DIP2B: variants seen among roughly 807,000 people sequenced by gnomAD.
The protein encoded by DIP2B is disco-interacting protein 2 homolog B.
In DIP2B, 76 loss-of-function variants were observed where a neutral mutation model predicts 198.0. The observed-to-expected ratio is 0.38, with a 90% CI of 0.32 to 0.46. The LOEUF is 0.46. Among genes scored for constraint, DIP2B ranks in the 20% least tolerant of loss-of-function variants. The probability of loss-of-function intolerance (pLI) is 0.99; values close to 1 mark genes in which losing one functional copy is unlikely to be tolerated. For missense variants in DIP2B, 1,559 were observed against 1,978.4 expected (o/e 0.79, Z 4.02); for synonymous variants, 701 against 739.1 (o/e 0.95, Z 0.84).
At chr12:50,568,965 G>A (rs751371524) in intron 1 of DIP2B, among the ~76,000 whole-genome samples, 4 of 150,230 alleles carry the variant, frequency 2.7e-5, no homozygotes, top group East Asian at 1.9e-4. Context: ...TTTTTTGTCC[G>A]TAAGAATTCT....
intron 1 of DIP2B, among the ~76,000 whole-genome samples, chr12:50,536,306 T>TACATACGC (rs1363502193): frequency 1.3e-5 from 2 of 151,420 alleles, no homozygotes; most frequent in Non-Finnish European, 3.0e-5. Flanking sequence ...CATACATACA[T>TACATACGC]ACGCCAGGCT....
At chr12:50,549,568 G>A (rs554068430) in intron 1 of DIP2B, among the ~76,000 whole-genome samples, 48 of 150,784 alleles carry the variant, frequency 3.2e-4, no homozygotes, top group Non-Finnish European at 6.2e-4. Flanking sequence ...GTGTGGTGGC[G>A]TGTGCCTATA....
chr12:50,614,872 G>A (rs1442365433), intron 1 of DIP2B, among the ~76,000 whole-genome samples: 2 of 152,164 alleles, frequency 1.3e-5, no homozygotes, highest in African/African-American at 4.8e-5. Flanking sequence ...CCTTACTTGT[G>A]TTTTTCCCTG....
chr12:50,708,370 C>G, intron 21 of DIP2B, 78 bp from the exon 22 acceptor site: 1 of 1,339,426 alleles, frequency 7.5e-7, no homozygotes, highest in Non-Finnish European at 1.0e-6. Flanking sequence ...GTTGTCTCCT[C>G]TCTGTAATTC....
intron 1 of DIP2B, among the ~76,000 whole-genome samples, chr12:50,554,262 C>A (rs1032261908): frequency 2.6e-5 from 4 of 152,158 alleles, no homozygotes; most frequent in African/African-American, 9.7e-5. Flanking sequence ...TGCTTCCATA[C>A]CACTTTTCCC....
Position 50,648,704 on chromosome 12 carries a change from C to G in DIP2B, c.301+7852C>G, listed in dbSNP as rs976333310. 2.2e-4 allele frequency among the ~76,000 whole-genome samples: 18 copies of G among 82,034 alleles called. 1 individual carries two copies. Among genetic ancestry groups the G allele is most frequent in the African/African-American group, 3.2e-4 (9 of 27,892 alleles). The allele number at this position is 82,034 out of a possible 152,430, so 53.8% of individuals were successfully genotyped here. On this transcript the variant is annotated intron_variant, in intron 3 of 37. Transcript: ENST00000301180. ...TTTGAGTTGGGTTGTTCTTCCCCCCCCCCTCCTTACTTGCAAGGGCTTTTT... is the reference window on the plus strand; with the variant it reads ...TTTGAGTTGGGTTGTTCTTCCCCCCGCCCTCCTTACTTGCAAGGGCTTTTT...
intron 1 of DIP2B, among the ~76,000 whole-genome samples, chr12:50,568,269 A>G (rs374754362): frequency 6.6e-6 from 1 of 152,088 alleles, no homozygotes; most frequent in South Asian, 2.1e-4. Flanking sequence ...CATGTTTGTT[A>G]TTATGTAGAA....
intron 4 of DIP2B, among the ~76,000 whole-genome samples, 168 bp from the exon 5 acceptor site, chr12:50,671,018 G>A (rs1468846398): frequency 1.3e-5 from 2 of 152,170 alleles, no homozygotes; most frequent in Non-Finnish European, 2.9e-5. Context: ...GTAGGCTTTG[G>A]TCCATAGACT....
At chr12:50,738,537 G>A (rs1257309435) in intron 35 of DIP2B, among the ~76,000 whole-genome samples, 1 of 152,092 alleles carries the variant, frequency 6.6e-6, no homozygotes, top group Non-Finnish European at 1.5e-5. Flanking sequence ...AGGCTGGAAT[G>A]CAGTGGTGCC....
intron 3 of DIP2B, among the ~76,000 whole-genome samples, chr12:50,643,163 A>G (rs2139489837): frequency 6.6e-6 from 1 of 152,294 alleles, no homozygotes; most frequent in Admixed American, 6.5e-5. Flanking sequence ...CAAGCCAATC[A>G]AATGTAAAAA....
In DIP2B at chr12:50,746,471, G is replaced by A. The variant is rs1025649168; in HGVS notation, c.*1632G>A. The A allele has an allele frequency of 3.3e-5, 5 of 152,058 alleles. No individual in the cohort carries two copies. Among genetic ancestry groups the A allele is most frequent in the African/African-American group, 4.8e-5 (2 of 41,390 alleles). The allele number at this position is 152,058 out of a possible 1,614,324, so 9.4% of individuals were successfully genotyped here. On this transcript the variant is annotated 3_prime_UTR_variant, in exon 38 of 38. Transcript: ENST00000301180. ...ATAATGCAAAGACCAGCTCCTTTGC[G>A]GTGGCAGTGCTCTAGGGCTGCCATT...
intron 7 of DIP2B, among the ~76,000 whole-genome samples, chr12:50,677,211 T>G (rs1255237793): frequency 1.3e-5 from 2 of 152,184 alleles, no homozygotes; most frequent in East Asian, 3.8e-4. Context: ...GCCCCACTTC[T>G]CACGCACTGC....
chr12:50,697,881 T>A (rs897436958), intron 17 of DIP2B, among the ~76,000 whole-genome samples: 10 of 152,044 alleles, frequency 6.6e-5, no homozygotes, highest in Admixed American at 1.3e-4. Flanking sequence ...CTGGTTTATG[T>A]GTTTACTACA....
intron 1 of DIP2B, among the ~76,000 whole-genome samples, chr12:50,587,307 T>G (rs1426233356): frequency 6.6e-6 from 1 of 152,218 alleles, no homozygotes; most frequent in Non-Finnish European, 1.5e-5. Context: ...GTGGCTAGTC[T>G]GTTACTGACT....
At chr12:50,686,732 C>T in intron 12 of DIP2B, 50 bp downstream of exon 12, 2 of 1,531,808 alleles carry the variant, frequency 1.3e-6, no homozygotes, top group Non-Finnish European at 1.8e-6. Context: ...TTGGGCTTTG[C>T]TTGCCACCTT....
intron 35 of DIP2B, among the ~76,000 whole-genome samples, chr12:50,738,839 T>C (rs137884391): frequency 2.0e-5 from 3 of 152,336 alleles, no homozygotes; most frequent in African/African-American, 4.8e-5. Flanking sequence ...AGTAGAATCA[T>C]TATAACAATT....
At chr12:50,580,538 C>CTTTTTTTTTTTTTTTTTT (rs35098719) in intron 1 of DIP2B, among the ~76,000 whole-genome samples, 1 of 127,216 alleles carries the variant, frequency 7.9e-6, no homozygotes, top group Non-Finnish European at 1.6e-5. Context: ...TTTCTTTTTC[C>CTTTTTTTTTTTTTTTTTT]TTTTTTTTTT....
chr12:50,699,265 A>T, intron 19 of DIP2B, 63 bp downstream of exon 19: 1 of 1,599,376 alleles, frequency 6.3e-7, no homozygotes, highest in East Asian at 2.2e-5. Context: ...ACGAGGGCAG[A>T]TCCCCTGGTT....
Position 50,697,171 on chromosome 12 carries a change from C to A in DIP2B, c.2044C>A (p.Arg682Ser). The A allele has an allele frequency of 6.2e-7, 1 of 1,613,760 alleles. No homozygotes were observed. The highest frequency in any genetic ancestry group is 8.5e-7 in the Non-Finnish European group (1 of 1,179,802). Residue 682 changes from arginine (R) to serine (S), a missense_variant, in exon 17 of 38, where the codon CGC (arginine) becomes AGC (serine). Physicochemically the swap from Arg to Ser is moderately radical, Grantham distance 110. Transcript: ENST00000301180. ...TSAEAMTVAI[R>S]RPGVPGAPLP... ...TGCTGAAGCCATGACTGTAGCAATC[C>A]GCAGGTACTGTTCAGGATGTCAGAT...
Sources: gnomAD v4.1 joint callset for allele counts (sites outside exome capture counted in the v4.1 genomes callset) on GRCh38, gnomAD v4.1.1 for gene constraint, MANE v1.5 for transcripts, NCBI Gene and HGNC (gene_info 2026-07-23, HGNC 2026-07-21) for gene names.